The following FCGR2B variants were observed in gnomAD, a reference collection of about 807,000 sequenced individuals.
FCGR2B encodes Fc gamma receptor IIb, also known as low affinity immunoglobulin gamma Fc region receptor II-b.
In FCGR2B, 18 loss-of-function variants were observed where a neutral mutation model predicts 24.8. That is an observed-to-expected ratio of 0.73 (90% confidence interval 0.50 to 1.08). FCGR2B has a LOEUF of 1.08. Ranked by LOEUF, FCGR2B falls within the 50% of genes least tolerant of loss-of-function variation. The pLI, the probability that FCGR2B is intolerant of heterozygous loss-of-function variation, is 0.00. For missense variants in FCGR2B, 215 were observed against 297.6 expected (o/e 0.72, Z 2.04); for synonymous variants, 79 against 109.8 (o/e 0.72, Z 1.75).
chr1:161,648,735 G>A, the FCGR2B span, among the ~76,000 whole-genome samples: 1 of 150,546 alleles, frequency 6.6e-6, no homozygotes, highest in Non-Finnish European at 1.5e-5. Context: ...TGTCGCCCAG[G>A]CTGGAGTACA....
chr1:161,677,618 C>A lies in FCGR2B; in HGVS notation c.*65C>A. 1 of 1,285,138 alleles carries A rather than the reference C, an allele frequency of 7.8e-7. No homozygotes were observed. The highest frequency in any genetic ancestry group is 1.2e-5 in the South Asian group (1 of 81,212). 79.6% of individuals were successfully genotyped at this position (1,285,138 alleles called of 1,614,324 possible). A position where few individuals can be genotyped will look rare whatever the true frequency, so the allele number is the denominator to read the frequency against. On this transcript the variant is annotated 3_prime_UTR_variant, in exon 8 of 8. Transcript: ENST00000358671. Reference sequence around the variant, plus strand: ...AGAGGGAAGATCTGGTATTTCCTGGCCTAAATTCCCCTTGGGGAGGACAGG... The same window carrying A: ...AGAGGGAAGATCTGGTATTTCCTGGACTAAATTCCCCTTGGGGAGGACAGG...
chr1:161,656,238 G>A, the FCGR2B span, among the ~76,000 whole-genome samples: 3 of 148,198 alleles, frequency 2.0e-5, 1 homozygote, highest in Admixed American at 2.1e-4. Flanking sequence ...TCTGTCTCCT[G>A]CATGTATCCT....
chr1:161,647,600 C>T, the FCGR2B span, among the ~76,000 whole-genome samples: 18 of 150,780 alleles, frequency 1.2e-4, 1 homozygote, highest in South Asian at 1.5e-3. Context: ...CCACTGTGCC[C>T]GGCCTGCTCT....
rs1771553 is a variant in FCGR2B at position 161,673,618 on chromosome 1, C to T, written c.647-342C>T. 722 of 622,620 alleles carry T rather than the reference C, an allele frequency of 1.2e-3. 1 individual carries two copies. Among genetic ancestry groups the T allele is most frequent in the African/African-American group, 6.5e-3 (356 of 55,144 alleles). 38.6% of individuals were successfully genotyped at this position (622,620 alleles called of 1,614,324 possible). A position where few individuals can be genotyped will look rare whatever the true frequency, so the allele number is the denominator to read the frequency against. ...CCAGAAAGCCTGGCACGTCATGGAC[C>T]GTTCAAGGCTGTGCTCCATAGAGTA... is the stretch of plus-strand genomic sequence containing the variant. On this transcript the variant is annotated intron_variant, in intron 4 of 7. Transcript: ENST00000358671.
At chr1:161,650,737 C>A in the FCGR2B span, among the ~76,000 whole-genome samples, 1 of 114,056 alleles carries the variant, frequency 8.8e-6, no homozygotes, top group South Asian at 3.2e-4. Flanking sequence ...CGTTTCTTAG[C>A]CCTTTAAAGT....
chr1:161,649,594 A>G, the FCGR2B span, among the ~76,000 whole-genome samples: 2 of 150,652 alleles, frequency 1.3e-5, no homozygotes, highest in Non-Finnish European at 2.9e-5. Flanking sequence ...AGGCAGGATG[A>G]CTAGTTAAAG....
chr1:161,661,262 GGAAGGAAGCAAGAAAGGA>G, upstream of FCGR2B, among the ~76,000 whole-genome samples: 1 of 24,456 alleles, frequency 4.1e-5, no homozygotes, highest in South Asian at 1.2e-3. Context: ...AAGAAAGAAA[GGAAGGAAGCAAGAAAGGA>G]AGAAAGAGAG....
At chr1:161,655,104 T>C in the FCGR2B span, among the ~76,000 whole-genome samples, 2 of 147,826 alleles carry the variant, frequency 1.4e-5, no homozygotes, top group East Asian at 1.9e-4. Flanking sequence ...TAAAATGGTA[T>C]GTTTTAAAAG....
chr1:161,669,886 A>T lies in FCGR2B; in HGVS notation c.113-366A>T, dbSNP rs1246864495. On this transcript the variant is annotated intron_variant, in intron 1 of 7. Transcript: ENST00000358671. ...CTACCCCCTCCCAACAAAAGAACAA[A>T]TCTTGCTCTCAGGATAAACTCTGGC... is the stretch of plus-strand genomic sequence containing the variant. Among the ~76,000 whole-genome samples the T allele has an allele frequency of 4.8e-5, 3 of 62,746 alleles. No homozygotes were observed. In the East Asian group the frequency reaches 9.1e-4, roughly 19 times the overall value. The allele number at this position is 62,746 out of a possible 152,430, so 41.2% of individuals were successfully genotyped here.
the FCGR2B span, among the ~76,000 whole-genome samples, chr1:161,647,900 T>C: frequency 6.6e-6 from 1 of 150,984 alleles, no homozygotes. Context: ...CTTGTGAAAG[T>C]AGGGCAGATC....
intron 6 of FCGR2B, chr1:161,676,713 G>A (rs2102680679): frequency 6.5e-6 from 1 of 153,706 alleles, no homozygotes; most frequent in Non-Finnish European, 1.4e-5. Flanking sequence ...TGCAGATATG[G>A]GGCTGCTTTT....
intron 1 of FCGR2B, among the ~76,000 whole-genome samples, chr1:161,669,757 T>A (rs1326760217): frequency 1.9e-5 from 2 of 107,850 alleles, no homozygotes; most frequent in Admixed American, 9.2e-5. Context: ...TGTCTGTGTG[T>A]GATCACAGAA....
chr1:161,676,308 G>A lies in FCGR2B; in HGVS notation c.817+995G>A, dbSNP rs1682125757. 3.0e-5 allele frequency: 6 copies of A among 200,992 alleles called. No homozygotes were observed. The Admixed American group carries it at 3.6e-4, about 12-fold the overall frequency. The allele number at this position is 200,992 out of a possible 1,614,324, so 12.5% of individuals were successfully genotyped here. ...AGCAAAATATCACTTGTTCAGCTGT[G>A]CTTGCAGCAAGGTCGCATGTCTGCT... On this transcript the variant is annotated intron_variant, in intron 6 of 7. Coordinates refer to ENST00000358671, the MANE Select transcript of FCGR2B (RefSeq NM_001394477.1).
At position 161,671,472 on chromosome 1, in the gene FCGR2B, C is replaced by A; in HGVS notation, c.214C>A (p.Arg72=). Residue 72 remains arginine (R), a synonymous_variant, in exon 3 of 8, where the codon CGG becomes AGG. Transcript: ENST00000358671. ...GGAGGACTCTGTGACTCTGACATGCCGGGGGACTCACAGCCCTGAGAGCGA... is the reference window on the plus strand; with the variant it reads ...GGAGGACTCTGTGACTCTGACATGCAGGGGGACTCACAGCCCTGAGAGCGA... ...LQEDSVTLTC[R]GTHSPESDSI... is the part of the protein sequence containing the mutation. The A allele has an allele frequency of 1.9e-6, 3 of 1,614,106 alleles. No homozygotes were observed. The highest frequency in any genetic ancestry group is 2.2e-5 in the East Asian group (1 of 44,872).
At chr1:161,675,693 G>C (rs549481721) in intron 6 of FCGR2B, 196 of 239,448 alleles carry the variant, frequency 8.2e-4, no homozygotes, top group African/African-American at 4.0e-3. Context: ...GACGTGGGAG[G>C]CAGGAGTCTA....
At position 161,678,106 on chromosome 1, in the gene FCGR2B, G is replaced by A; in HGVS notation, c.*553G>A. The A allele has an allele frequency of 4.5e-6, 1 of 220,728 alleles. No homozygotes were observed. The highest frequency in any genetic ancestry group is 9.1e-6 in the Non-Finnish European group (1 of 110,270). 13.7% of individuals were successfully genotyped at this position (220,728 alleles called of 1,614,324 possible). ...TATTGGTTGGAGTGTAGACTGAACTGCCTGGGGTCTGTTTCTCTTCAGTGA... is the reference window on the plus strand; with the variant it reads ...TATTGGTTGGAGTGTAGACTGAACTACCTGGGGTCTGTTTCTCTTCAGTGA... On this transcript the variant is annotated 3_prime_UTR_variant, in exon 8 of 8. Coordinates refer to ENST00000358671, the MANE Select transcript of FCGR2B (RefSeq NM_001394477.1).
chr1:161,676,145 C>G (rs1441515217), intron 6 of FCGR2B: 2 of 229,332 alleles, frequency 8.7e-6, no homozygotes, highest in African/African-American at 2.2e-5. Context: ...TAGTTAAAGT[C>G]AGAGCACAAA....
chr1:161,674,374 A>G (rs568066467), intron 5 of FCGR2B: 10 of 351,082 alleles, frequency 2.8e-5, no homozygotes, highest in Non-Finnish European at 5.0e-5. Flanking sequence ...ATGGGATAAG[A>G]GCAATGATAG....
the FCGR2B span, among the ~76,000 whole-genome samples, chr1:161,656,246 C>T: frequency 6.8e-6 from 1 of 148,116 alleles, no homozygotes; most frequent in Non-Finnish European, 1.5e-5. Flanking sequence ...CTGCATGTAT[C>T]CTATCTTTCC....
Sources: gnomAD v4.1 joint callset for allele counts (sites outside exome capture counted in the v4.1 genomes callset) on GRCh38, gnomAD v4.1.1 for gene constraint, MANE v1.5 for transcripts, NCBI Gene and HGNC (gene_info 2026-07-23, HGNC 2026-07-21) for gene names.